Variants in USP12 observed in about 807,000 individuals in gnomAD.
USP12 encodes ubiquitin specific peptidase 12.
USP12 carries 19 observed loss-of-function variants against 45.5 expected under a neutral mutation model. The observed-to-expected ratio is 0.42, with a 90% confidence interval of 0.29 to 0.61. The LOEUF is 0.61. Among genes scored for constraint, USP12 ranks in the 20% least tolerant of loss-of-function variants. USP12 has a pLI of 0.22. For missense variants in USP12, 242 were observed against 447.7 expected, an observed-to-expected ratio of 0.54 and a Z score of 4.15; for synonymous variants, 149 against 148.8, an observed-to-expected ratio of 1.00 and a Z score of -0.01.
At chr13:27,158,507 C>G (rs929882906) in intron 1 of USP12, among the ~76,000 whole-genome samples, 1 of 152,150 alleles carries the variant, frequency 6.6e-6, no homozygotes, top group African/African-American at 2.4e-5. Flanking sequence ...AGTGTACTCA[C>G]GCAAACCTAG....
chr13:27,124,639 G>A (rs1876143799), intron 1 of USP12, among the ~76,000 whole-genome samples: 1 of 152,196 alleles, frequency 6.6e-6, no homozygotes, highest in South Asian at 2.1e-4. Context: ...TCCCAGAGGT[G>A]GGAAAAGCAC....
chr13:27,096,079 T>C (rs147802085), intron 3 of USP12, among the ~76,000 whole-genome samples: 539 of 152,350 alleles, frequency 3.5e-3, no homozygotes, highest in African/African-American at 0.012. Context: ...CCTATCCTTA[T>C]ATATTGGCAT....
chr13:27,084,199 CACACACACACA>C (rs2137763760), intron 6 of USP12, among the ~76,000 whole-genome samples: 1 of 151,596 alleles, frequency 6.6e-6, no homozygotes, highest in East Asian at 1.9e-4. Context: ...CACACACACA[CACACACACACA>C]CACACACAAA....
intron 6 of USP12, among the ~76,000 whole-genome samples, chr13:27,076,882 T>C (rs1873514088): frequency 6.6e-6 from 1 of 152,180 alleles, no homozygotes; most frequent in South Asian, 2.1e-4. Context: ...AAAGTAAAGG[T>C]AAACACCTAG....
intron 1 of USP12, among the ~76,000 whole-genome samples, chr13:27,143,794 C>T (rs1431168284): frequency 2.0e-5 from 3 of 152,154 alleles, no homozygotes; most frequent in African/African-American, 7.2e-5. Flanking sequence ...AGACCTAATT[C>T]CCACTTTATA....
At chr13:27,121,348 C>T (rs1474200516) in intron 1 of USP12, among the ~76,000 whole-genome samples, 1 of 151,360 alleles carries the variant, frequency 6.6e-6, no homozygotes, top group Non-Finnish European at 1.5e-5. Flanking sequence ...CAAAGAAATC[C>T]TAAATTGAGA....
In USP12 at chr13:27,106,901, C is replaced by A. The variant is rs75390341; in HGVS notation, c.130-957G>T. On this transcript the variant is annotated intron_variant, in intron 2 of 8. Transcript: ENST00000282344. ...AAATTAAAAACAAAAATAAACAAAA[C>A]CTAAATGTATATGGATTTAATGGTA... 7.9e-3 allele frequency among the ~76,000 whole-genome samples: 1,195 copies of A among 151,928 alleles called. 13 individuals are homozygous for A. Among genetic ancestry groups the A allele is most frequent in the African/African-American group, 0.027 (1,121 of 41,436 alleles).
At chr13:27,149,965 T>G (rs1877496106) in intron 1 of USP12, among the ~76,000 whole-genome samples, 2 of 152,378 alleles carry the variant, frequency 1.3e-5, no homozygotes, top group East Asian at 1.9e-4. Context: ...ACTCACCTTC[T>G]GCTGTACAGC....
chr13:27,143,986 T>G (rs922360559), intron 1 of USP12, among the ~76,000 whole-genome samples: 1 of 152,164 alleles, frequency 6.6e-6, no homozygotes, highest in African/African-American at 2.4e-5. Context: ...GAAGGATCAC[T>G]TGAGGTCAGG....
chr13:27,112,777 C>CA (rs1032569534), intron 2 of USP12, among the ~76,000 whole-genome samples: 1 of 152,084 alleles, frequency 6.6e-6, no homozygotes, highest in Non-Finnish European at 1.5e-5. Context: ...GTATAGGCAC[C>CA]AGTCTCATCC....
At chr13:27,145,099 T>C (rs1406988343) in intron 1 of USP12, among the ~76,000 whole-genome samples, 1 of 152,176 alleles carries the variant, frequency 6.6e-6, no homozygotes, top group Non-Finnish European at 1.5e-5. Flanking sequence ...AACACAAGTC[T>C]TGGGCTCTGT....
intron 2 of USP12, 107 bp downstream of exon 2, chr13:27,116,409 C>T: frequency 1.2e-6 from 1 of 835,510 alleles, no homozygotes; most frequent in Non-Finnish European, 1.7e-6. Flanking sequence ...GCATTTAATT[C>T]TATTAATAGA....
chr13:27,125,664 CG>C (rs1302847792), intron 1 of USP12, among the ~76,000 whole-genome samples: 1 of 152,206 alleles, frequency 6.6e-6, no homozygotes, highest in East Asian at 1.9e-4. Flanking sequence ...TCCCCTCACC[CG>C]GGAAGCGCAA....
intron 1 of USP12, among the ~76,000 whole-genome samples, chr13:27,132,219 T>C (rs1238471545): frequency 6.6e-6 from 1 of 152,200 alleles, no homozygotes; most frequent in African/African-American, 2.4e-5. Flanking sequence ...TGCTTTATCT[T>C]TGGTGTATTC....
intron 3 of USP12, among the ~76,000 whole-genome samples, chr13:27,101,410 C>G (rs1487924210): frequency 6.6e-6 from 1 of 152,214 alleles, no homozygotes; most frequent in African/African-American, 2.4e-5. Flanking sequence ...GAAAGGTGGA[C>G]TTCAAACTTG....
Position 27,069,238 on chromosome 13 carries a change from AGAG to A in USP12, c.*42_*44del, listed in dbSNP as rs759939868. On this transcript the variant is annotated 3_prime_UTR_variant, in exon 9 of 9. Transcript: ENST00000282344. ...GTGCTTGATCCTTTCCAAAATAACC[AGAG>A]AAGAAATGAGGCAGAAAGTGTCTCT... The A allele has an allele frequency of 5.3e-6, 8 of 1,509,302 alleles. No individual in the cohort carries two copies. The Admixed American group carries it at 1.3e-4, about 25-fold the overall frequency. The allele number at this position is 1,509,302 out of a possible 1,614,324, so 93.5% of individuals were successfully genotyped here. A position where few individuals can be genotyped will look rare whatever the true frequency, so the allele number is the denominator to read the frequency against.
At chr13:27,113,149 G>A (rs568202246) in intron 2 of USP12, among the ~76,000 whole-genome samples, 5 of 152,054 alleles carry the variant, frequency 3.3e-5, no homozygotes, top group Admixed American at 1.3e-4. Flanking sequence ...GCAGGAGGAC[G>A]GCTTGAGCCA....
At position 27,171,684 on chromosome 13, in the gene USP12, C is replaced by A. The variant is rs1009993505; in HGVS notation, c.-45G>T. On this transcript the variant is annotated 5_prime_UTR_variant, in exon 1 of 9. Coordinates refer to ENST00000282344, the MANE Select transcript of USP12 (RefSeq NM_182488.4). ...ACCCAATCACAGCGGCGGCGGCGGG[C>A]GGGGGAGGAGGGGAGCCGGGCCGCC... 1 of 1,125,872 alleles carries A rather than the reference C, an allele frequency of 8.9e-7. No homozygotes were observed. Among genetic ancestry groups the A allele is most frequent in the East Asian group, 8.3e-5 (1 of 11,996 alleles). 69.7% of individuals were successfully genotyped at this position (1,125,872 alleles called of 1,614,324 possible). A position where few individuals can be genotyped will look rare whatever the true frequency, so the allele number is the denominator to read the frequency against.
At chr13:27,161,716 T>C (rs549876043) in intron 1 of USP12, among the ~76,000 whole-genome samples, 2 of 150,912 alleles carry the variant, frequency 1.3e-5, no homozygotes. Context: ...ACAAAAAAAA[T>C]TAATTAAAAA....
Sources: allele counts gnomAD v4.1 joint callset (sites outside exome capture counted in the v4.1 genomes callset), GRCh38; gene constraint gnomAD v4.1.1; transcripts MANE v1.5; gene names NCBI Gene and HGNC (gene_info 2026-07-23, HGNC 2026-07-21).